The following MPDZ variants were observed in gnomAD, a reference collection of about 807,000 sequenced individuals.
MPDZ encodes multiple PDZ domain protein.
A neutral mutation model predicts 239.1 loss-of-function variants in MPDZ; 234 were observed. That is an observed-to-expected ratio of 0.98 (90% CI 0.88 to 1.09). MPDZ has a LOEUF of 1.09. MPDZ is among the 50% of genes least tolerant of loss of function. The pLI, the probability that MPDZ is intolerant of heterozygous loss-of-function variation, is 0.00. For synonymous variants in MPDZ, 1,048 were observed against 881.3 expected (o/e 1.19, Z -3.35); for missense variants, 3,175 against 2,510.0 (o/e 1.26, Z -5.66).
chr9:13,252,455 A>G (rs904692653), intron 1 of MPDZ, among the ~76,000 whole-genome samples: 3 of 151,240 alleles, frequency 2.0e-5, no homozygotes, highest in African/African-American at 7.3e-5. Context: ...AATCCCAGCT[A>G]CTCAGGAGTC....
At chr9:13,151,785 T>C (rs2133092822) in intron 24 of MPDZ, among the ~76,000 whole-genome samples, 1 of 152,240 alleles carries the variant, frequency 6.6e-6, no homozygotes, top group Admixed American at 6.6e-5. Flanking sequence ...ATGGTTAGGA[T>C]GGCTTAAAAT....
intron 18 of MPDZ, 107 bp from the exon 19 acceptor site, chr9:13,183,692 T>C (rs955601146): frequency 3.5e-5 from 38 of 1,075,926 alleles, no homozygotes; most frequent in Non-Finnish European, 4.8e-5. Flanking sequence ...CTTTTATCTA[T>C]TGTATTTTCT....
rs757127350 is a variant in MPDZ, at chr9:13,143,507, TGC to T, written c.3797_3798del (p.Ser1266AsnfsTer2). The T allele has an allele frequency of 1.9e-6, 3 of 1,613,000 alleles. No individual in the cohort carries two copies. Among genetic ancestry groups the T allele is most frequent in the Non-Finnish European group, 2.5e-6 (3 of 1,179,248 alleles). ...TGTAGAGAGTCAGCAAATGGGTTAG[TGC>T]TGCTGAAGTTGTACTTAGGGTAAAG... ...HNLYPKYNFS[S>X]TNPFADSLQI... On this transcript the variant is annotated frameshift_variant, in exon 27 of 47. Coordinates refer to ENST00000319217, the MANE Select transcript of MPDZ (RefSeq NM_001378778.1). LOFTEE classifies it high-confidence loss of function.
At chr9:13,208,042 C>T (rs1957185477) in intron 10 of MPDZ, among the ~76,000 whole-genome samples, 1 of 152,102 alleles carries the variant, frequency 6.6e-6, no homozygotes, top group Admixed American at 6.5e-5. Context: ...ATAGTGGGGC[C>T]ATATTAGGCA....
rs1005930511 is a variant in MPDZ, at chr9:13,232,321, G to T, written c.184-7738C>A. Among the ~76,000 whole-genome samples, 3 of 152,028 alleles carry T rather than the reference G, an allele frequency of 2.0e-5. No homozygotes were observed. The East Asian group carries it at 5.8e-4, about 29-fold the overall frequency. ...AAATGTTTTCTAAAAATCTGTTCAA[G>T]ATATGATTAAATTTGTTTAATTGGA... On this transcript the variant is annotated intron_variant, in intron 3 of 46. Coordinates refer to ENST00000319217, the MANE Select transcript of MPDZ (RefSeq NM_001378778.1).
rs961607145 is a variant in MPDZ at position 13,152,971 on chromosome 9, A to G, written c.3453-2283T>C. Among the ~76,000 whole-genome samples, 3 of 152,244 alleles carry G rather than the reference A, an allele frequency of 2.0e-5. No individual in the cohort carries two copies. The South Asian group carries it at 6.2e-4, about 32-fold the overall frequency. On this transcript the variant is annotated intron_variant, in intron 24 of 46. Transcript: ENST00000319217. ...TCAGGGTGTTGGAGGAAAATCGACGAAACAGAACTTTAAGGAGATGATGAG... is the reference window on the plus strand; with the variant it reads ...TCAGGGTGTTGGAGGAAAATCGACGGAACAGAACTTTAAGGAGATGATGAG...
intron 21 of MPDZ, among the ~76,000 whole-genome samples, chr9:13,175,483 C>A (rs1247040637): frequency 6.6e-6 from 1 of 152,114 alleles, no homozygotes; most frequent in Non-Finnish European, 1.5e-5. Context: ...CTGTTTCATA[C>A]ACAAACAATT....
rs752131874 is a variant in MPDZ at position 13,193,312 on chromosome 9, A to C, written c.1658T>G (p.Val553Gly). Residue 553 changes from valine to glycine, a missense_variant and splice_region_variant, in exon 14 of 47, where the codon GTG (valine) becomes GGG (glycine). Transcript: ENST00000319217. Reference sequence around the variant, plus strand: ...CTCACTAAACTTGCTCACATGGGCCACCTGAAAAGAAAAAAAAAAAGATCA... The same window carrying C: ...CTCACTAAACTTGCTCACATGGGCCCCCTGAAAAGAAAAAAAAAAAGATCA... ...RIMGINYEIV[V>G]AHVSKFSENS... 6.3e-7 allele frequency: 1 copy of C among 1,577,182 alleles called. No homozygotes were observed. Among genetic ancestry groups the C allele is most frequent in the South Asian group, 1.2e-5 (1 of 83,324 alleles).
intron 43 of MPDZ, 144 bp downstream of exon 43, chr9:13,111,880 A>G: frequency 3.0e-6 from 2 of 667,472 alleles, no homozygotes; most frequent in Non-Finnish European, 4.4e-6. Context: ...TATTCCAAGC[A>G]AGCCTTGCTG....
At chr9:13,134,970 C>G (rs950896351) in intron 31 of MPDZ, 1 of 152,216 alleles carries the variant, frequency 6.6e-6, no homozygotes, top group Non-Finnish European at 1.5e-5. Flanking sequence ...CCTTGGCCCT[C>G]TTTCTCTCTA....
chr9:13,108,779 A>C (rs1185725921), intron 46 of MPDZ, among the ~76,000 whole-genome samples, 157 bp downstream of exon 46: 3 of 152,154 alleles, frequency 2.0e-5, no homozygotes, highest in Non-Finnish European at 4.4e-5. Context: ...ATTGGACAAA[A>C]ATATTTAATG....
At chr9:13,240,011 A>T (rs1964994618) in intron 3 of MPDZ, among the ~76,000 whole-genome samples, 1 of 152,132 alleles carries the variant, frequency 6.6e-6, no homozygotes, top group African/African-American at 2.4e-5. Context: ...AGGTATGCTG[A>T]AATTTTCTAC....
chr9:13,186,436 G>C, intron 17 of MPDZ, 50 bp from the exon 18 acceptor site: 1 of 1,289,238 alleles, frequency 7.8e-7, no homozygotes, highest in South Asian at 1.3e-5. Flanking sequence ...CAGCAAAGAA[G>C]AAAGAAAATG....
intron 14 of MPDZ, among the ~76,000 whole-genome samples, chr9:13,192,911 TA>T (rs980560204): frequency 2.0e-5 from 3 of 152,050 alleles, no homozygotes; most frequent in Admixed American, 6.6e-5. Flanking sequence ...AAATAAATGT[TA>T]AAAAAAATTT....
chr9:13,209,174 A>G (rs995582050), intron 10 of MPDZ, among the ~76,000 whole-genome samples: 2 of 152,184 alleles, frequency 1.3e-5, no homozygotes, highest in East Asian at 1.9e-4. Flanking sequence ...GATCCTAACC[A>G]GTAACTCCAA....
Position 13,219,596 on chromosome 9 carries a change from G to T in MPDZ, c.1049C>A (p.Thr350Asn). Residue 350 changes from threonine to asparagine, a missense_variant, in exon 8 of 47, where the codon ACC (threonine) becomes AAC (asparagine). Transcript: ENST00000319217. ...TGTTGAAGTTGGGGATGAGGAGAGG[G>T]TGATGCCCAAAGCAGTGGGTGCTGT... ...ERTAPTALGI[T>N]LSSSPTSTPE... 2 of 1,612,254 alleles carry T rather than the reference G, an allele frequency of 1.2e-6. No homozygotes were observed. The highest frequency in any genetic ancestry group is 1.1e-5 in the South Asian group (1 of 91,036).
intron 10 of MPDZ, among the ~76,000 whole-genome samples, chr9:13,214,508 C>T (rs1432337393): frequency 6.6e-6 from 1 of 151,892 alleles, no homozygotes; most frequent in Non-Finnish European, 1.5e-5. Flanking sequence ...AGTGAACGCA[C>T]AACTCTGTGA....
intron 25 of MPDZ, among the ~76,000 whole-genome samples, chr9:13,147,984 G>A (rs1255641396): frequency 6.6e-6 from 1 of 151,788 alleles, no homozygotes; most frequent in Non-Finnish European, 1.5e-5. Context: ...TTATATGAGG[G>A]AACTATCTAG....
chr9:13,224,720 A>C (rs1272062532), intron 3 of MPDZ, 137 bp from the exon 4 acceptor site: 1 of 639,490 alleles, frequency 1.6e-6, no homozygotes, highest in Admixed American at 3.0e-5. Context: ...CTATTTTGGG[A>C]AATTTATTTC....
Sources: allele counts gnomAD v4.1 joint callset (sites outside exome capture counted in the v4.1 genomes callset), GRCh38; gene constraint gnomAD v4.1.1; transcripts MANE v1.5; gene names NCBI Gene and HGNC (gene_info 2026-07-23, HGNC 2026-07-21).